Variants in SIK3 observed in about 807,000 individuals in gnomAD.
The protein encoded by SIK3 is serine/threonine-protein kinase SIK3.
In SIK3, 28 loss-of-function variants were observed where a neutral mutation model predicts 144.2. The observed-to-expected ratio is 0.19, with a 90% CI of 0.14 to 0.27. The LOEUF is 0.27. Among genes scored for constraint, SIK3 ranks in the 10% least tolerant of loss-of-function variants. The probability of loss-of-function intolerance (pLI) is 1.00; values close to 1 mark genes in which losing one functional copy is unlikely to be tolerated. For synonymous variants in SIK3, 686 were observed against 676.3 expected (o/e 1.01, Z -0.22); for missense variants, 1,319 against 1,776.0 (o/e 0.74, Z 4.62).
intron 1 of SIK3, among the ~76,000 whole-genome samples, chr11:117,027,328 T>C (rs1366779856): frequency 6.6e-6 from 1 of 152,216 alleles, no homozygotes; most frequent in Non-Finnish European, 1.5e-5. Flanking sequence ...CATTCAAAAA[T>C]AATATGGAAC....
At chr11:116,863,620 C>G (rs1481347631) in intron 16 of SIK3, 48 bp downstream of exon 16, 1 of 1,612,294 alleles carries the variant, frequency 6.2e-7, no homozygotes, top group Non-Finnish European at 8.5e-7. Context: ...CAATCCTGGC[C>G]TCTGTCACCC....
At chr11:117,004,859 A>C (rs752706171) in intron 1 of SIK3, among the ~76,000 whole-genome samples, 6 of 152,218 alleles carry the variant, frequency 3.9e-5, no homozygotes, top group Non-Finnish European at 8.8e-5. Flanking sequence ...TGGGAAAACA[A>C]AGAGGTCCCA....
intron 1 of SIK3, among the ~76,000 whole-genome samples, chr11:117,042,014 C>T (rs11216244): frequency 0.37 from 56,559 of 151,816 alleles, 12,872 homozygotes; most frequent in African/African-American, 0.65. Flanking sequence ...ACTTTTGTCC[C>T]ATGTACTCAT....
chr11:116,904,547 T>C (rs571151420), intron 4 of SIK3, among the ~76,000 whole-genome samples: 1 of 152,306 alleles, frequency 6.6e-6, no homozygotes, highest in Admixed American at 6.5e-5. Context: ...GAATTTATTA[T>C]AACCTTTGGC....
In SIK3 at chr11:116,843,552, C is replaced by T. The variant is rs1446027853; in HGVS notation, c.*2091G>A. The T allele has an allele frequency of 6.6e-6, 1 of 152,066 alleles. No homozygotes were observed. The highest frequency in any genetic ancestry group is 1.5e-5 in the Non-Finnish European group (1 of 68,030). 9.4% of individuals were successfully genotyped at this position (152,066 alleles called of 1,614,324 possible). A position where few individuals can be genotyped will look rare whatever the true frequency, so the allele number is the denominator to read the frequency against. ...CGTATACTGCACATATTGGTTACTA[C>T]AATACAAAGCAATGAGTTTTTTTTA... On this transcript the variant is annotated 3_prime_UTR_variant, in exon 25 of 25. Transcript: ENST00000445177.
chr11:117,090,438 C>A (rs1239082206), intron 1 of SIK3, among the ~76,000 whole-genome samples: 1 of 151,476 alleles, frequency 6.6e-6, no homozygotes, highest in African/African-American at 2.4e-5. Context: ...TTGACCCTCA[C>A]CTGTGTCATC....
At chr11:116,909,032 T>C (rs1040650875) in intron 4 of SIK3, among the ~76,000 whole-genome samples, 9 of 152,138 alleles carry the variant, frequency 5.9e-5, no homozygotes, top group African/African-American at 1.9e-4. Flanking sequence ...TATTAATAGG[T>C]ACAATGGAAA....
In SIK3 at chr11:117,098,263, T is replaced by C; in HGVS notation, c.153A>G (p.Pro51=). ...GCATGGGTCCGCGGGAGGCCGGGGC[T>C]GGGGGACGCGGCTGGCCGGCCGCAG... ...VSPAAGQPRP[P]APASRGPMPA... The change falls in exon 1 of 25, where the codon CCA becomes CCG. Residue 51 remains proline (P), a synonymous_variant. Transcript: ENST00000445177. 2.1e-6 allele frequency: 3 copies of C among 1,403,284 alleles called. No individual in the cohort carries two copies. The highest frequency in any genetic ancestry group is 2.8e-6 in the Non-Finnish European group (3 of 1,070,454). The allele number at this position is 1,403,284 out of a possible 1,614,324, so 86.9% of individuals were successfully genotyped here. A position where few individuals can be genotyped will look rare whatever the true frequency, so the allele number is the denominator to read the frequency against.
intron 1 of SIK3, among the ~76,000 whole-genome samples, chr11:117,071,828 T>C (rs1015735040): frequency 1.3e-5 from 2 of 148,296 alleles, no homozygotes; most frequent in African/African-American, 5.0e-5. Context: ...AATCTCCCTA[T>C]GTTGACCAGG....
At chr11:117,056,781 A>G (rs1384850140) in intron 1 of SIK3, among the ~76,000 whole-genome samples, 1 of 152,178 alleles carries the variant, frequency 6.6e-6, no homozygotes, top group Non-Finnish European at 1.5e-5. Context: ...GTGCATATAT[A>G]CCAACCAAGG....
At chr11:116,977,940 C>T (rs1950006047) in intron 1 of SIK3, among the ~76,000 whole-genome samples, 1 of 152,124 alleles carries the variant, frequency 6.6e-6, no homozygotes, top group South Asian at 2.1e-4. Flanking sequence ...ATCTGCAAGC[C>T]GGGTGCGGTG....
intron 21 of SIK3, 159 bp downstream of exon 21, chr11:116,857,651 A>C: frequency 7.8e-7 from 1 of 1,285,048 alleles, no homozygotes; most frequent in South Asian, 1.6e-5. Context: ...CTTGCCCACC[A>C]ATACCCACTT....
chr11:116,969,009 C>G (rs543177740), intron 1 of SIK3, among the ~76,000 whole-genome samples: 1 of 151,848 alleles, frequency 6.6e-6, no homozygotes, highest in African/African-American at 2.4e-5. Context: ...GATAGACAGA[C>G]GGCCGACGCG....
chr11:117,092,433 T>C (rs1395302932), intron 1 of SIK3, among the ~76,000 whole-genome samples: 2 of 152,148 alleles, frequency 1.3e-5, no homozygotes, highest in African/African-American at 4.8e-5. Context: ...AGAAAGGTCT[T>C]CCCTGACCAC....
chr11:116,867,799 T>G lies in SIK3; in HGVS notation c.1952+147A>C, dbSNP rs934568152. 7.1e-5 allele frequency: 56 copies of G among 789,276 alleles called. No homozygotes were observed. Among genetic ancestry groups the G allele is most frequent in the Admixed American group, 1.3e-4 (4 of 29,812 alleles). The allele number at this position is 789,276 out of a possible 1,614,324, so 48.9% of individuals were successfully genotyped here. ...AACCTTTGCCCTGTGCATTGCTTAC[T>G]GCAAGGAGCTGAGAAGATGTGAGTT... On this transcript the variant is annotated intron_variant, in intron 15 of 24. Transcript: ENST00000445177. The surrounding 1 kb of genome is among the most constrained non-coding windows in gnomAD (Gnocchi z 4.1).
intron 1 of SIK3, among the ~76,000 whole-genome samples, chr11:116,968,360 TC>T (rs754386289): frequency 1.3e-5 from 2 of 152,046 alleles, no homozygotes; most frequent in Non-Finnish European, 2.9e-5. Context: ...GCCAGGCTGG[TC>T]TCAAACTCCT....
At chr11:117,042,769 T>C (rs1372382647) in intron 1 of SIK3, among the ~76,000 whole-genome samples, 1 of 152,168 alleles carries the variant, frequency 6.6e-6, no homozygotes, top group African/African-American at 2.4e-5. Flanking sequence ...GAATGTGGAG[T>C]GCAACAGCGT....
chr11:117,044,962 G>T (rs1487149313), intron 1 of SIK3, among the ~76,000 whole-genome samples: 2 of 152,166 alleles, frequency 1.3e-5, no homozygotes. Context: ...CGGCAAATCA[G>T]CCATAGAATT....
intron 1 of SIK3, chr11:117,035,978 A>C: frequency 6.4e-7 from 1 of 1,565,348 alleles, no homozygotes; most frequent in Non-Finnish European, 8.7e-7. Flanking sequence ...GGGGCTCTGC[A>C]CCAGGCGTTT....
Sources: allele counts gnomAD v4.1 joint callset (sites outside exome capture counted in the v4.1 genomes callset), GRCh38; gene constraint gnomAD v4.1.1; non-coding constraint Gnocchi (gnomAD v3.1); transcripts MANE v1.5; gene names NCBI Gene and HGNC (gene_info 2026-07-23, HGNC 2026-07-21).